PITPNC1: variants seen among roughly 807,000 people sequenced by gnomAD.
The protein encoded by PITPNC1 is phosphatidylinositol transfer protein cytoplasmic 1, also known as cytoplasmic phosphatidylinositol transfer protein 1.
Under a neutral mutation model 44.7 loss-of-function variants are expected in PITPNC1, and 18 were observed. The observed-to-expected ratio is 0.40, with a 90% CI of 0.28 to 0.60. PITPNC1 has a LOEUF of 0.60. Ranked by LOEUF, PITPNC1 falls within the 20% of genes least tolerant of loss-of-function variation. The probability of loss-of-function intolerance (pLI) is 0.39; values close to 1 mark genes in which losing one functional copy is unlikely to be tolerated. For missense variants in PITPNC1, 290 were observed against 418.4 expected (o/e 0.69, Z 2.68); for synonymous variants, 141 against 149.6 (o/e 0.94, Z 0.42).
chr17:67,463,005 A>G (rs1465586152), intron 1 of PITPNC1, among the ~76,000 whole-genome samples: 1 of 152,216 alleles, frequency 6.6e-6, no homozygotes, highest in African/African-American at 2.4e-5. Flanking sequence ...CCCGGCAACA[A>G]TTGGAAATTT....
chr17:67,442,602 G>T (rs1000218258), intron 1 of PITPNC1, among the ~76,000 whole-genome samples: 5 of 151,838 alleles, frequency 3.3e-5, no homozygotes, highest in East Asian at 1.9e-4. Flanking sequence ...CAGCATATTG[G>T]GAGGCTGAGG....
intron 8 of PITPNC1, among the ~76,000 whole-genome samples, chr17:67,689,628 C>T (rs2033020009): frequency 6.6e-6 from 1 of 152,190 alleles, no homozygotes; most frequent in African/African-American, 2.4e-5. Context: ...CATCCATGAA[C>T]ACAGCAGTGA....
intron 1 of PITPNC1, among the ~76,000 whole-genome samples, chr17:67,386,644 T>C (rs951942809): frequency 6.6e-6 from 1 of 152,200 alleles, no homozygotes; most frequent in East Asian, 1.9e-4. Flanking sequence ...AAATGTGTTT[T>C]TCAGAAGCAG....
At chr17:67,585,814 C>T (rs1410050301) in intron 5 of PITPNC1, among the ~76,000 whole-genome samples, 1 of 152,124 alleles carries the variant, frequency 6.6e-6, no homozygotes, top group African/African-American at 2.4e-5. Flanking sequence ...CAAAAACAAA[C>T]AAGCAGACTC....
chr17:67,433,510 G>C (rs146188287), intron 1 of PITPNC1, among the ~76,000 whole-genome samples: 8 of 152,144 alleles, frequency 5.3e-5, no homozygotes, highest in Non-Finnish European at 1.0e-4. Context: ...AGGCCGAGGA[G>C]GGCGGATCCC....
chr17:67,549,381 G>A (rs1477557707), intron 2 of PITPNC1, among the ~76,000 whole-genome samples: 2 of 152,132 alleles, frequency 1.3e-5, no homozygotes, highest in Non-Finnish European at 2.9e-5. Context: ...TCCCAAAAAA[G>A]GAAGAAGAGT....
chr17:67,688,129 G>A (rs939527440), intron 8 of PITPNC1, among the ~76,000 whole-genome samples: 2 of 151,024 alleles, frequency 1.3e-5, no homozygotes, highest in South Asian at 2.1e-4. Flanking sequence ...ACCTGAGGTC[G>A]GGGGTTCGAG....
chr17:67,639,135 G>GAAAAGAAAAAAGAAAAT (rs1158255098), intron 6 of PITPNC1, among the ~76,000 whole-genome samples: 1 of 151,804 alleles, frequency 6.6e-6, no homozygotes, highest in African/African-American at 2.4e-5. Context: ...AAAAAGAAAA[G>GAAAAGAAAAAAGAAAAT]AAAAGAATCC....
intron 6 of PITPNC1, chr17:67,638,132 A>G (rs774834589): frequency 1.3e-5 from 2 of 152,270 alleles, no homozygotes; most frequent in Non-Finnish European, 2.9e-5. Flanking sequence ...CTCTGCCAAG[A>G]TTTCAAGGTG....
chr17:67,661,697 ACT>A (rs1254709196), intron 6 of PITPNC1, among the ~76,000 whole-genome samples: 1 of 151,986 alleles, frequency 6.6e-6, no homozygotes, highest in African/African-American at 2.4e-5. Context: ...CAGGATCATG[ACT>A]CTGATAATAT....
chr17:67,378,482 C>T (rs1253458991), intron 1 of PITPNC1, among the ~76,000 whole-genome samples: 2 of 152,226 alleles, frequency 1.3e-5, no homozygotes, highest in East Asian at 1.9e-4. Context: ...GGAGTGGGTG[C>T]GCCCCCTCCC....
intron 1 of PITPNC1, among the ~76,000 whole-genome samples, chr17:67,476,658 A>AT (rs1568006048): frequency 6.6e-6 from 1 of 151,518 alleles, no homozygotes; most frequent in East Asian, 1.9e-4. Flanking sequence ...ATTTTTGTTT[A>AT]TTTTTTTGTA....
intron 5 of PITPNC1, among the ~76,000 whole-genome samples, chr17:67,618,799 C>T (rs866896379): frequency 5.3e-5 from 8 of 151,938 alleles, no homozygotes; most frequent in Middle Eastern, 3.2e-3. Flanking sequence ...TGGCTCATGC[C>T]TGTAATCCCA....
At chr17:67,509,567 T>C (rs1045873463) in intron 1 of PITPNC1, among the ~76,000 whole-genome samples, 1 of 138,314 alleles carries the variant, frequency 7.2e-6, no homozygotes, top group East Asian at 2.0e-4. Flanking sequence ...TAAAAATAAA[T>C]AAATAAATAA....
At position 67,695,389 on chromosome 17, in the gene PITPNC1, T is replaced by G. The variant is rs1022870204; in HGVS notation, c.*2501T>G. The G allele has an allele frequency of 6.6e-5, 10 of 152,018 alleles. No individual in the cohort carries two copies. Among genetic ancestry groups the G allele is most frequent in the African/African-American group, 2.4e-4 (10 of 41,404 alleles). 9.4% of individuals were successfully genotyped at this position (152,018 alleles called of 1,614,324 possible). A position where few individuals can be genotyped will look rare whatever the true frequency, so the allele number is the denominator to read the frequency against. ...TTCTCTATACATGACTTTGTTATTG[T>G]GGAATACAAGCCTGCAATGGATGTA... On this transcript the variant is annotated 3_prime_UTR_variant, in exon 9 of 9. Transcript: ENST00000581322.
intron 6 of PITPNC1, among the ~76,000 whole-genome samples, chr17:67,640,915 G>A (rs1226922429): frequency 2.0e-5 from 3 of 151,970 alleles, no homozygotes; most frequent in Non-Finnish European, 2.9e-5. Flanking sequence ...GTTTGAACCC[G>A]GAAGGCAAAG....
intron 1 of PITPNC1, among the ~76,000 whole-genome samples, chr17:67,462,994 C>A (rs6504510): frequency 0.84 from 127,321 of 152,238 alleles, 54,002 homozygotes; most frequent in Middle Eastern, 0.93. Flanking sequence ...GAGCCGCCGC[C>A]CCCGGCAACA....
chr17:67,661,894 C>T (rs778461336), intron 6 of PITPNC1, among the ~76,000 whole-genome samples: 39 of 152,014 alleles, frequency 2.6e-4, no homozygotes, highest in Non-Finnish European at 4.7e-4. Flanking sequence ...ACTTGGGAGG[C>T]TGAGGCGGAA....
intron 6 of PITPNC1, among the ~76,000 whole-genome samples, chr17:67,656,115 C>G (rs1262836555): frequency 1.3e-5 from 2 of 152,180 alleles, no homozygotes; most frequent in Non-Finnish European, 2.9e-5. Context: ...TGGATCTTGA[C>G]TGTACATTCA....
Sources: gnomAD v4.1 joint callset for allele counts (sites outside exome capture counted in the v4.1 genomes callset) on GRCh38, gnomAD v4.1.1 for gene constraint, MANE v1.5 for transcripts, NCBI Gene and HGNC (gene_info 2026-07-23, HGNC 2026-07-21) for gene names.